The following RHOQ variants were observed in gnomAD, a reference collection of about 807,000 sequenced individuals.
RHOQ encodes rho-related GTP-binding protein RhoQ.
RHOQ carries 7 observed loss-of-function variants against 25.8 expected under a neutral mutation model. The ratio of observed to expected loss-of-function variants is 0.27; its 90% CI spans 0.15 to 0.51. The LOEUF (loss-of-function observed/expected upper bound fraction) is 0.51. Among genes scored for constraint, RHOQ ranks in the 20% least tolerant of loss-of-function variants. The probability of loss-of-function intolerance (pLI) is 0.97; values close to 1 mark genes in which losing one functional copy is unlikely to be tolerated. For synonymous variants in RHOQ, 97 were observed against 98.6 expected, an observed-to-expected ratio of 0.98 and a Z score of 0.10; for missense variants, 165 against 260.6, an observed-to-expected ratio of 0.63 and a Z score of 2.53.
At chr2:46,544,483 G>C (rs1667983871) in intron 2 of RHOQ, among the ~76,000 whole-genome samples, 1 of 152,212 alleles carries the variant, frequency 6.6e-6, no homozygotes, top group South Asian at 2.1e-4. Flanking sequence ...CTTTGTCTGG[G>C]TTTTCTTTGG....
In RHOQ at chr2:46,576,128, C is replaced by T. The variant is rs201576841; in HGVS notation, c.243C>T (p.Thr81=). The T allele has an allele frequency of 1.2e-5, 19 of 1,612,156 alleles. No homozygotes were observed. Among genetic ancestry groups the T allele is most frequent in the East Asian group, 1.1e-4 (5 of 44,788 alleles). Reference sequence around the variant, plus strand: ...TGAGGCCTTTATCTTACCCAATGACCGATGTCTTCCTTATATGCTTCTCGG... The same window carrying T: ...TGAGGCCTTTATCTTACCCAATGACTGATGTCTTCCTTATATGCTTCTCGG... ...DRLRPLSYPM[T]DVFLICFSVV... Residue 81 remains threonine, a synonymous_variant, in exon 3 of 5, where the codon ACC becomes ACT. Coordinates refer to ENST00000238738, the MANE Select transcript of RHOQ (RefSeq NM_012249.4). The surrounding 1 kb of genome is among the most constrained non-coding windows in gnomAD (Gnocchi z 5.1).
rs1668728056 is a variant in RHOQ, at chr2:46,566,279, C to G, written c.202-9808C>G. ...CTAAAAGGAGGTACATAGTAATAAG[C>G]TAGTTCTGGAACTCAGAGGCAGAGA... On this transcript the variant is annotated intron_variant, in intron 2 of 4. Transcript: ENST00000238738. The surrounding 1 kb of genome is among the most constrained non-coding windows in gnomAD (Gnocchi z 4.2). Among the ~76,000 whole-genome samples, 1 of 152,108 alleles carries G rather than the reference C, an allele frequency of 6.6e-6. No individual in the cohort carries two copies. Among genetic ancestry groups the G allele is most frequent in the Non-Finnish European group, 1.5e-5 (1 of 68,020 alleles).
chr2:46,563,992 A>G (rs1362413677), intron 2 of RHOQ, among the ~76,000 whole-genome samples: 1 of 151,992 alleles, frequency 6.6e-6, no homozygotes, highest in Non-Finnish European at 1.5e-5. Flanking sequence ...TTTACACGAC[A>G]TAAATTTAAC....
At chr2:46,571,564 T>C (rs934323773) in intron 2 of RHOQ, among the ~76,000 whole-genome samples, 5 of 152,242 alleles carry the variant, frequency 3.3e-5, no homozygotes, top group African/African-American at 1.2e-4. Context: ...TCTGGGCACA[T>C]AGTAGGTGCT....
At chr2:46,547,460 A>G (rs1001746) in intron 2 of RHOQ, among the ~76,000 whole-genome samples, 42,552 of 152,146 alleles carry the variant, frequency 0.28, 6,592 homozygotes, top group East Asian at 0.71. Context: ...AATGGGAGAG[A>G]GAGTGTATTG....
Position 46,576,337 on chromosome 2 carries a change from GAGCAAATGATGT to G in RHOQ, c.366+88_366+99del. 1 of 1,181,064 alleles carries G rather than the reference GAGCAAATGATGT, an allele frequency of 8.5e-7. No individual in the cohort carries two copies. Among genetic ancestry groups the G allele is most frequent in the Non-Finnish European group, 1.2e-6 (1 of 830,308 alleles). 73.2% of individuals were successfully genotyped at this position (1,181,064 alleles called of 1,614,324 possible). On this transcript the variant is annotated intron_variant, in intron 3 of 4. Coordinates refer to ENST00000238738, the MANE Select transcript of RHOQ (RefSeq NM_012249.4). This position sits in a 1 kb window ranked among gnomAD's most constrained non-coding sequence, Gnocchi z 5.1. Reference sequence around the variant, plus strand: ...CTCTCAGACAAACAGTCCCAAAGCTGAGCAAATGATGTAAGTGTTTAATCTCAGCTGCAAGTT... The same window carrying G: ...CTCTCAGACAAACAGTCCCAAAGCTGAAGTGTTTAATCTCAGCTGCAAGTT...
Position 46,555,782 on chromosome 2 carries a change from C to T in RHOQ, c.201+11970C>T, listed in dbSNP as rs949930703. Reference sequence around the variant, plus strand: ...TGGCCTGTGGCCCTCTGTGATAAGTCGGTAGGAGGGGGACATGGTGAGGAT... The same window carrying T: ...TGGCCTGTGGCCCTCTGTGATAAGTTGGTAGGAGGGGGACATGGTGAGGAT... On this transcript the variant is annotated intron_variant, in intron 2 of 4. Transcript: ENST00000238738. The surrounding 1 kb of genome is among the most constrained non-coding windows in gnomAD (Gnocchi z 4.3). 2.6e-5 allele frequency among the ~76,000 whole-genome samples: 4 copies of T among 152,088 alleles called. No individual in the cohort carries two copies. The highest frequency in any genetic ancestry group is 1.9e-4 in the East Asian group (1 of 5,188).
intron 2 of RHOQ, among the ~76,000 whole-genome samples, chr2:46,546,695 G>A (rs374277206): frequency 1.7e-4 from 25 of 151,388 alleles, no homozygotes; most frequent in African/African-American, 5.6e-4. Flanking sequence ...TGCATTACAA[G>A]GTCATAGGCT....
chr2:46,546,653 G>C (rs934810550), intron 2 of RHOQ, among the ~76,000 whole-genome samples: 1 of 150,664 alleles, frequency 6.6e-6, no homozygotes, highest in Non-Finnish European at 1.5e-5. Flanking sequence ...ATTTACCTTT[G>C]TGATCTAGTA....
In RHOQ at chr2:46,552,549, T is replaced by C. The variant is rs1668275884; in HGVS notation, c.201+8737T>C. Among the ~76,000 whole-genome samples the C allele has an allele frequency of 6.6e-6, 1 of 152,250 alleles. No homozygotes were observed. Reference sequence around the variant, plus strand: ...GTCCCTCCTTCATCTGAATATTCTCTAAATATGGCGCAAAACTTCCTCTGC... The same window carrying C: ...GTCCCTCCTTCATCTGAATATTCTCCAAATATGGCGCAAAACTTCCTCTGC... On this transcript the variant is annotated intron_variant, in intron 2 of 4. Transcript: ENST00000238738. This position sits in a 1 kb window ranked among gnomAD's most constrained non-coding sequence, Gnocchi z 5.0.
chr2:46,563,942 G>A (rs796925399), intron 2 of RHOQ, among the ~76,000 whole-genome samples: 49 of 151,514 alleles, frequency 3.2e-4, no homozygotes, highest in African/African-American at 7.5e-4. Context: ...GGGCCACCAC[G>A]CCCAGCCCCT....
chr2:46,574,982 C>G (rs965425320), intron 2 of RHOQ, among the ~76,000 whole-genome samples: 1 of 152,080 alleles, frequency 6.6e-6, no homozygotes, highest in African/African-American at 2.4e-5. Flanking sequence ...GAGAGTCTAG[C>G]TATGCCAAAA....
In RHOQ at chr2:46,543,061, C is replaced by G. The variant is rs1313402799; in HGVS notation, c.15C>G (p.Pro5=). The G allele has an allele frequency of 6.2e-7, 1 of 1,601,890 alleles. No homozygotes were observed. The highest frequency in any genetic ancestry group is 8.5e-7 in the Non-Finnish European group (1 of 1,175,612). Residue 5 remains proline (P), a synonymous_variant, in exon 1 of 5, where the codon CCC becomes CCG. Coordinates refer to ENST00000238738, the MANE Select transcript of RHOQ (RefSeq NM_012249.4). The part of the protein sequence containing the change: MAHG[P]GALMLKCVVV... ...CCGGCAGCAGCATGGCTCACGGGCC[C>G]GGCGCGCTGATGCTCAAGTGCGTGG... is the stretch of plus-strand genomic sequence containing the variant.
intron 2 of RHOQ, among the ~76,000 whole-genome samples, chr2:46,575,202 CAAAG>C (rs1335772122): frequency 6.6e-6 from 1 of 151,944 alleles, no homozygotes; most frequent in Non-Finnish European, 1.5e-5. Flanking sequence ...ATGTCCAAGA[CAAAG>C]AAAGTGCAGA....
chr2:46,561,770 C>A (rs181548826), intron 2 of RHOQ, among the ~76,000 whole-genome samples: 3 of 152,300 alleles, frequency 2.0e-5, no homozygotes, highest in Non-Finnish European at 2.9e-5. Flanking sequence ...TTAGCCCTAA[C>A]AATGACATTA....
intron 2 of RHOQ, among the ~76,000 whole-genome samples, chr2:46,573,958 T>C (rs181702211): frequency 6.6e-6 from 1 of 152,366 alleles, no homozygotes; most frequent in African/African-American, 2.4e-5. Flanking sequence ...GTTTTGATTT[T>C]ATTTCTTACT....
chr2:46,546,461 T>C (rs1469990361), intron 2 of RHOQ, among the ~76,000 whole-genome samples: 3 of 6,470 alleles, frequency 4.6e-4, no homozygotes, highest in Non-Finnish European at 8.0e-4. Context: ...CATATATATA[T>C]ATATATATAT....
intron 2 of RHOQ, among the ~76,000 whole-genome samples, chr2:46,551,473 G>A (rs1668239742): frequency 6.6e-6 from 1 of 152,130 alleles, no homozygotes; most frequent in Admixed American, 6.5e-5. Flanking sequence ...AGGAACGGCA[G>A]AGGGGGTGAC....
At chr2:46,574,107 T>C (rs1312262909) in intron 2 of RHOQ, among the ~76,000 whole-genome samples, 1 of 152,184 alleles carries the variant, frequency 6.6e-6, no homozygotes, top group Non-Finnish European at 1.5e-5. Flanking sequence ...ATTGAAAGAG[T>C]TCTTCGATGT....
Sources: allele counts gnomAD v4.1 joint callset (sites outside exome capture counted in the v4.1 genomes callset), GRCh38; gene constraint gnomAD v4.1.1; non-coding constraint Gnocchi (gnomAD v3.1); transcripts MANE v1.5; gene names NCBI Gene and HGNC (gene_info 2026-07-23, HGNC 2026-07-21).